MAPK8IP3: variants seen among roughly 807,000 people sequenced by gnomAD.
MAPK8IP3 encodes C-Jun-amino-terminal kinase-interacting protein 3.
MAPK8IP3 carries 49 observed loss-of-function variants against 157.8 expected under a neutral mutation model. The observed-to-expected ratio is 0.31, with a 90% CI of 0.25 to 0.39. The LOEUF (loss-of-function observed/expected upper bound fraction) is 0.39, where lower values mean the gene tolerates loss of function less well. Ranked by LOEUF, MAPK8IP3 falls within the 10% of genes least tolerant of loss-of-function variation. The probability of loss-of-function intolerance (pLI) is 1.00; values close to 1 mark genes in which losing one functional copy is unlikely to be tolerated. For synonymous variants in MAPK8IP3, 897 were observed against 777.7 expected, an observed-to-expected ratio of 1.15 and a Z score of -2.55; for missense variants, 1,478 against 1,889.4, an observed-to-expected ratio of 0.78 and a Z score of 4.04.
chr16:1,718,188 A>ATT lies in MAPK8IP3; in HGVS notation c.319-6357_319-6356dup, dbSNP rs34304224. ...GGTTCTCTTAAATCAGAAGTAAATG[A>ATT]TTTTTTTTTTTTTGAAGCAGAGTTT... On this transcript the variant is annotated intron_variant, in intron 1 of 31. Transcript: ENST00000610761. Among the ~76,000 whole-genome samples the ATT allele has an allele frequency of 5.7e-3, 796 of 139,574 alleles. 7 individuals carry two copies. Among genetic ancestry groups the ATT allele is most frequent in the African/African-American group, 0.02 (750 of 37,968 alleles). The allele number at this position is 139,574 out of a possible 152,430, so 91.6% of individuals were successfully genotyped here.
intron 22 of MAPK8IP3, 38 bp from the exon 23 acceptor site, chr16:1,766,491 C>T (rs1428866966): frequency 6.2e-7 from 1 of 1,605,942 alleles, no homozygotes; most frequent in Non-Finnish European, 8.5e-7. Flanking sequence ...CAGGTGCGTG[C>T]TCCGTGGCCC....
At chr16:1,757,384 G>A (rs1330000428) in intron 8 of MAPK8IP3, among the ~76,000 whole-genome samples, 3 of 152,168 alleles carry the variant, frequency 2.0e-5, no homozygotes, top group African/African-American at 7.2e-5. Context: ...GATTACAGGC[G>A]TGAGCCACCA....
chr16:1,759,076 T>C (rs2041786446), intron 10 of MAPK8IP3, 81 bp downstream of exon 10: 1 of 1,579,120 alleles, frequency 6.3e-7, no homozygotes, highest in Non-Finnish European at 8.7e-7. Context: ...TTTGCTTTGT[T>C]CTGCATGATG....
Position 1,761,162 on chromosome 16 carries a change from C to CT in MAPK8IP3, c.1458-61dup. On this transcript the variant is annotated intron_variant, in intron 12 of 31. Transcript: ENST00000610761. ...ACAGGTTCGGGGCGGGCACTGCCCG[C>CT]TATGTGTTCCCGAGGCCCCTGGGAG... 4 of 1,364,182 alleles carry CT rather than the reference C, an allele frequency of 2.9e-6. No homozygotes were observed. In the South Asian group the frequency reaches 4.6e-5, roughly 16 times the overall value. The allele number at this position is 1,364,182 out of a possible 1,614,324, so 84.5% of individuals were successfully genotyped here.
Position 1,766,596 on chromosome 16 carries a change from G to A in MAPK8IP3, c.2887G>A (p.Gly963Arg), listed in dbSNP as rs775245917. The A allele has an allele frequency of 1.9e-6, 3 of 1,612,430 alleles. No homozygotes were observed. The highest frequency in any genetic ancestry group is 2.2e-5 in the South Asian group (2 of 91,078). Residue 963 changes from glycine to arginine, a missense_variant, in exon 23 of 32, where the codon GGA (glycine) becomes AGA (arginine). Coordinates refer to ENST00000610761, the MANE Select transcript of MAPK8IP3 (RefSeq NM_001318852.2). ...PEPEPSGDPT[G>R]AGSSAAPTMW... ...GCCAGAGCCCAGCGGGGACCCCACG[G>A]GAGCAGGCAGCAGTGCTGCACCCAC... is the stretch of plus-strand genomic sequence containing the variant.
At position 1,759,001 on chromosome 16, in the gene MAPK8IP3, G is replaced by A; in HGVS notation, c.1246+6G>A. On this transcript the variant is annotated splice_donor_region_variant and intron_variant, in intron 10 of 31. Coordinates refer to ENST00000610761, the MANE Select transcript of MAPK8IP3 (RefSeq NM_001318852.2). ...AGTGCGCGATGATTTCTTTGGTAAG[G>A]CTGAGGCCCCGTTCCAGCGTGCGTC... 1 of 1,614,142 alleles carries A rather than the reference G, an allele frequency of 6.2e-7. No individual in the cohort carries two copies. Among genetic ancestry groups the A allele is most frequent in the East Asian group, 2.2e-5 (1 of 44,886 alleles).
intron 4 of MAPK8IP3, among the ~76,000 whole-genome samples, chr16:1,736,837 CGTGTG>C: frequency 1.7e-5 from 1 of 57,504 alleles, no homozygotes; most frequent in Non-Finnish European, 3.1e-5. Flanking sequence ...TCCGTGTGAG[CGTGTG>C]ACCGTCCGTG....
intron 10 of MAPK8IP3, among the ~76,000 whole-genome samples, chr16:1,759,538 G>A (rs551824658): frequency 1.2e-4 from 18 of 152,226 alleles, no homozygotes; most frequent in Non-Finnish European, 1.8e-4. Context: ...CCCCATCGCC[G>A]CACCCCAGCC....
At chr16:1,765,244 G>T in intron 20 of MAPK8IP3, 66 bp downstream of exon 20, 1 of 1,507,930 alleles carries the variant, frequency 6.6e-7, no homozygotes, top group South Asian at 1.3e-5. Context: ...CTAAGTAAAA[G>T]CCCTGCCACA....
intron 14 of MAPK8IP3, 89 bp from the exon 15 acceptor site, chr16:1,762,586 G>T: frequency 6.4e-7 from 1 of 1,556,500 alleles, no homozygotes; most frequent in Non-Finnish European, 8.7e-7. Flanking sequence ...ACTGAAGTGC[G>T]CTGGGTGCTT....
intron 8 of MAPK8IP3, among the ~76,000 whole-genome samples, chr16:1,755,271 T>C (rs1445704059): frequency 6.6e-6 from 1 of 152,182 alleles, no homozygotes; most frequent in Non-Finnish European, 1.5e-5. Context: ...TGTACTGCCT[T>C]AGTTGCTGCT....
At position 1,747,125 on chromosome 16, in the gene MAPK8IP3, C is replaced by A; in HGVS notation, c.844C>A (p.Pro282Thr). The A allele has an allele frequency of 6.2e-7, 1 of 1,613,936 alleles. No individual in the cohort carries two copies. The highest frequency in any genetic ancestry group is 2.2e-5 in the East Asian group (1 of 44,880). The change falls in exon 6 of 32, where the codon CCC becomes ACC. Residue 282 changes from proline (P) to threonine (T), a missense_variant. By Grantham distance (38) the Pro-to-Thr change is conservative. Coordinates refer to ENST00000610761, the MANE Select transcript of MAPK8IP3 (RefSeq NM_001318852.2). ...GTCCAACACGCCCACATCCTCCGTG[C>A]CCTCGGCCGCCGTCACACCCCTCAA... is the stretch of plus-strand genomic sequence containing the variant. ...TKSNTPTSSV[P>T]SAAVTPLNES... is the part of the protein sequence containing the mutation.
chr16:1,737,883 TG>T (rs2040146237), intron 4 of MAPK8IP3, among the ~76,000 whole-genome samples: 1 of 81,304 alleles, frequency 1.2e-5, no homozygotes, highest in African/African-American at 4.9e-5. Flanking sequence ...ACCGTCCGTG[TG>T]AGCATCCGTG....
chr16:1,729,730 C>G (rs561945586), intron 4 of MAPK8IP3, 152 bp downstream of exon 4: 2 of 766,200 alleles, frequency 2.6e-6, no homozygotes, highest in Admixed American at 2.3e-5. Context: ...GAGGAGGGAG[C>G]TGGTTGGAGC....
rs1331589198 is a variant in MAPK8IP3 at position 1,764,100 on chromosome 16, C to T, written c.2026-15C>T. On this transcript the variant is annotated splice_polypyrimidine_tract_variant and intron_variant, in intron 17 of 31. Coordinates refer to ENST00000610761, the MANE Select transcript of MAPK8IP3 (RefSeq NM_001318852.2). ...GCCAGGGTTCGTGCCCACGGCGCCTCCCTGCTCCCTGCAGCTGAGTCCCAA... is the reference window on the plus strand; with the variant it reads ...GCCAGGGTTCGTGCCCACGGCGCCTTCCTGCTCCCTGCAGCTGAGTCCCAA... 7 of 1,598,416 alleles carry T rather than the reference C, an allele frequency of 4.4e-6. No homozygotes were observed. The East Asian group carries it at 9.0e-5, about 20-fold the overall frequency.
intron 14 of MAPK8IP3, 67 bp downstream of exon 14, chr16:1,762,548 C>T: frequency 6.3e-7 from 1 of 1,594,042 alleles, no homozygotes; most frequent in Non-Finnish European, 8.6e-7. Flanking sequence ...GCGGCTCCCT[C>T]CTCTGCACCT....
At position 1,734,915 on chromosome 16, in the gene MAPK8IP3, C is replaced by T. The variant is rs79992755; in HGVS notation, c.602+5337C>T. ...GGAATGCAGTCGGTGTGAGTGCAAA[C>T]GCCAGGCAGTGTTCTCGGGCCACTG... On this transcript the variant is annotated intron_variant, in intron 4 of 31. Coordinates refer to ENST00000610761, the MANE Select transcript of MAPK8IP3 (RefSeq NM_001318852.2). 205 of 154,752 alleles carry T rather than the reference C, an allele frequency of 1.3e-3. 4 individuals are homozygous for T. In the East Asian group the frequency reaches 0.029, roughly 22 times the overall value. 9.6% of individuals were successfully genotyped at this position (154,752 alleles called of 1,614,324 possible). A position where few individuals can be genotyped will look rare whatever the true frequency, so the allele number is the denominator to read the frequency against.
intron 4 of MAPK8IP3, among the ~76,000 whole-genome samples, chr16:1,739,972 G>C (rs1335716457): frequency 8.0e-6 from 1 of 125,400 alleles, no homozygotes; most frequent in Non-Finnish European, 1.7e-5. Context: ...CCGTGTGAGC[G>C]TGTGACCGTC....
chr16:1,739,957 ACCGT>A (rs779924358), intron 4 of MAPK8IP3, among the ~76,000 whole-genome samples: 1 of 84,260 alleles, frequency 1.2e-5, no homozygotes, highest in Non-Finnish European at 2.2e-5. Context: ...CATCCGTGTG[ACCGT>A]CCGTGTGAGC....
Sources: allele counts gnomAD v4.1 joint callset (sites outside exome capture counted in the v4.1 genomes callset), GRCh38; gene constraint gnomAD v4.1.1; transcripts MANE v1.5; gene names NCBI Gene and HGNC (gene_info 2026-07-23, HGNC 2026-07-21).